TENM2: variants seen among roughly 807,000 people sequenced by gnomAD.
TENM2 encodes teneurin transmembrane protein 2, also known as teneurin-2.
TENM2 carries 52 observed loss-of-function variants against 245.2 expected under a neutral mutation model. That is an observed-to-expected ratio of 0.21 (90% CI 0.17 to 0.27). The LOEUF (loss-of-function observed/expected upper bound fraction) is 0.27. Among genes scored for constraint, TENM2 ranks in the 10% least tolerant of loss-of-function variants. TENM2 has a pLI of 1.00. For synonymous variants in TENM2, 1,363 were observed against 1,438.9 expected (o/e 0.95, Z 1.19); for missense variants, 3,046 against 3,666.8 (o/e 0.83, Z 4.37).
At chr5:167,908,989 A>G (rs750748941) in intron 3 of TENM2, among the ~76,000 whole-genome samples, 4 of 151,952 alleles carry the variant, frequency 2.6e-5, no homozygotes, top group Non-Finnish European at 5.9e-5. Context: ...TGCATGACTT[A>G]AATAATATTT....
At chr5:168,187,095 G>T (rs976808672) in intron 13 of TENM2, 7 of 152,174 alleles carry the variant, frequency 4.6e-5, no homozygotes, top group Non-Finnish European at 1.0e-4. Flanking sequence ...TCTGGAGCAG[G>T]TAAATGTAAA....
chr5:167,270,152 A>G, the TENM2 span, among the ~76,000 whole-genome samples: 1 of 152,278 alleles, frequency 6.6e-6, no homozygotes, highest in East Asian at 1.9e-4. Flanking sequence ...GCAAAAGTAG[A>G]ATATCAAATG....
chr5:167,737,232 G>A (rs1433189787), intron 2 of TENM2, among the ~76,000 whole-genome samples: 1 of 152,156 alleles, frequency 6.6e-6, no homozygotes, highest in Non-Finnish European at 1.5e-5. Context: ...GGCTCACCCC[G>A]TGAGCTCCTG....
intron 2 of TENM2, among the ~76,000 whole-genome samples, chr5:167,600,852 CTG>C (rs1316992666): frequency 2.0e-5 from 3 of 152,196 alleles, no homozygotes; most frequent in African/African-American, 7.2e-5. Flanking sequence ...ACAGATGAGA[CTG>C]TGGAAAATAG....
chr5:167,622,998 G>A (rs1778271533), intron 2 of TENM2, among the ~76,000 whole-genome samples: 1 of 152,100 alleles, frequency 6.6e-6, no homozygotes, highest in Non-Finnish European at 1.5e-5. Context: ...AAGAGAAAAG[G>A]CACTTTTGTT....
intron 2 of TENM2, among the ~76,000 whole-genome samples, chr5:167,792,480 G>A (rs550635362): frequency 4.6e-5 from 7 of 152,026 alleles, no homozygotes; most frequent in South Asian, 4.2e-4. Context: ...AACCAGAAGC[G>A]TGCATCAGGA....
At chr5:167,734,738 T>G (rs1042078566) in intron 2 of TENM2, among the ~76,000 whole-genome samples, 3 of 152,096 alleles carry the variant, frequency 2.0e-5, no homozygotes, top group African/African-American at 7.2e-5. Context: ...TGGGGGCAAT[T>G]AAACACTGAG....
intron 1 of TENM2, among the ~76,000 whole-genome samples, chr5:167,343,157 T>C (rs904482292): frequency 3.3e-5 from 5 of 152,196 alleles, no homozygotes; most frequent in Non-Finnish European, 7.3e-5. Context: ...TGTGTCCCTT[T>C]GCTATACACC....
intron 2 of TENM2, among the ~76,000 whole-genome samples, chr5:167,714,884 G>C (rs1401748413): frequency 6.6e-6 from 1 of 152,154 alleles, no homozygotes; most frequent in Non-Finnish European, 1.5e-5. Flanking sequence ...TCATAGGTGA[G>C]GAAATGGCTT....
the TENM2 span, among the ~76,000 whole-genome samples, chr5:167,202,992 A>G: frequency 6.6e-6 from 1 of 152,216 alleles, no homozygotes; most frequent in East Asian, 1.9e-4. Flanking sequence ...ATTGAGGTAG[A>G]GTGATGATAG....
At chr5:167,096,629 A>G in the TENM2 span, among the ~76,000 whole-genome samples, 7 of 152,350 alleles carry the variant, frequency 4.6e-5, no homozygotes, top group African/African-American at 1.7e-4. Flanking sequence ...GACGCTTATA[A>G]TTAAGCCATT....
the TENM2 span, among the ~76,000 whole-genome samples, chr5:167,006,338 G>A: frequency 6.6e-6 from 1 of 152,130 alleles, no homozygotes; most frequent in Admixed American, 6.6e-5. Flanking sequence ...TAAATTGAGG[G>A]AATTAGTTTC....
At chr5:168,048,330 G>A (rs112603154) in intron 6 of TENM2, among the ~76,000 whole-genome samples, 13 of 152,244 alleles carry the variant, frequency 8.5e-5, no homozygotes, top group African/African-American at 3.1e-4. Flanking sequence ...GATGGAAATC[G>A]CAAGGGAGAG....
At chr5:167,060,165 T>TTATATACTAACA in the TENM2 span, among the ~76,000 whole-genome samples, 1 of 152,170 alleles carries the variant, frequency 6.6e-6, no homozygotes, top group Non-Finnish European at 1.5e-5. Context: ...GAAATACACC[T>TTATATACTAACA]TATATACTAA....
At chr5:167,000,834 C>A in the TENM2 span, among the ~76,000 whole-genome samples, 1 of 152,176 alleles carries the variant, frequency 6.6e-6, no homozygotes, top group Non-Finnish European at 1.5e-5. Flanking sequence ...AAAATTTCAA[C>A]AGGTAGTTTA....
At chr5:167,961,728 G>C (rs974378497) in intron 4 of TENM2, among the ~76,000 whole-genome samples, 5 of 152,192 alleles carry the variant, frequency 3.3e-5, no homozygotes, top group Non-Finnish European at 7.3e-5. Context: ...GCAGAATCTA[G>C]GGATAGAGGG....
intron 5 of TENM2, among the ~76,000 whole-genome samples, chr5:168,004,379 T>C (rs1784638191): frequency 6.6e-6 from 1 of 152,088 alleles, no homozygotes; most frequent in Non-Finnish European, 1.5e-5. Context: ...TTAATCCCAG[T>C]GGAACAGGGT....
intron 1 of TENM2, among the ~76,000 whole-genome samples, chr5:167,371,832 G>T (rs999608636): frequency 6.6e-6 from 1 of 152,106 alleles, no homozygotes; most frequent in Non-Finnish European, 1.5e-5. Flanking sequence ...ATAAATATTT[G>T]TTGAGTGATT....
At chr5:167,554,424 C>T (rs535946757) in intron 2 of TENM2, among the ~76,000 whole-genome samples, 112 of 152,242 alleles carry the variant, frequency 7.4e-4, no homozygotes, top group African/African-American at 2.5e-3. Context: ...TGTGACCTCA[C>T]GATACAGTGT....
Sources: allele counts gnomAD v4.1 joint callset (sites outside exome capture counted in the v4.1 genomes callset), GRCh38; gene constraint gnomAD v4.1.1; transcripts MANE v1.5; gene names NCBI Gene and HGNC (gene_info 2026-07-23, HGNC 2026-07-21).